TAFA5: variants seen among roughly 807,000 people sequenced by gnomAD.
The protein encoded by TAFA5 is chemokine-like protein TAFA-5.
In TAFA5, 6 loss-of-function variants were observed where a neutral mutation model predicts 15.3. That is an observed-to-expected ratio of 0.39 (90% CI 0.21 to 0.77). TAFA5 has a LOEUF of 0.77. TAFA5 is among the 30% of genes least tolerant of loss of function. The probability of loss-of-function intolerance (pLI) is 0.41; values close to 1 mark genes in which losing one functional copy is unlikely to be tolerated. For synonymous variants in TAFA5, 103 were observed against 80.7 expected, an observed-to-expected ratio of 1.28 and a Z score of -1.48; for missense variants, 161 against 193.1, an observed-to-expected ratio of 0.83 and a Z score of 0.98.
intron 1 of TAFA5, among the ~76,000 whole-genome samples, chr22:48,519,408 A>G (rs2147106190): frequency 6.6e-6 from 1 of 152,334 alleles, no homozygotes; most frequent in Non-Finnish European, 1.5e-5. Flanking sequence ...TCAGAATCGG[A>G]GCGTCCATGA....
chr22:48,542,745 GTAC>G (rs1922502329), intron 1 of TAFA5, among the ~76,000 whole-genome samples: 1 of 147,424 alleles, frequency 6.8e-6, no homozygotes, highest in South Asian at 2.2e-4. Flanking sequence ...AGTGATATGT[GTAC>G]TGGTGTACTG....
At chr22:48,492,522 C>G (rs1382268823) in intron 1 of TAFA5, among the ~76,000 whole-genome samples, 3 of 152,118 alleles carry the variant, frequency 2.0e-5, no homozygotes, top group Non-Finnish European at 2.9e-5. Flanking sequence ...CTTTCTTTCT[C>G]GTGTGCTGGG....
intron 3 of TAFA5, among the ~76,000 whole-genome samples, chr22:48,747,440 G>A (rs62225050): frequency 6.6e-5 from 10 of 152,154 alleles, no homozygotes; most frequent in Admixed American, 2.6e-4. Context: ...GCTGGGATTC[G>A]GTATGTATTT....
intron 1 of TAFA5, among the ~76,000 whole-genome samples, chr22:48,519,932 C>A (rs934937590): frequency 1.3e-5 from 2 of 152,216 alleles, no homozygotes; most frequent in Non-Finnish European, 2.9e-5. Flanking sequence ...CAGAATGTGA[C>A]TTTACTTGGA....
intron 2 of TAFA5, among the ~76,000 whole-genome samples, chr22:48,649,139 G>A (rs181003282): frequency 1.3e-5 from 2 of 152,334 alleles, no homozygotes; most frequent in Non-Finnish European, 2.9e-5. Flanking sequence ...TTGGCTGAAG[G>A]GAGCATGCCT....
intron 1 of TAFA5, among the ~76,000 whole-genome samples, chr22:48,581,381 C>T (rs931298046): frequency 2.0e-5 from 3 of 152,210 alleles, no homozygotes; most frequent in South Asian, 2.1e-4. Context: ...GATTGGATTG[C>T]GGCTGATCTT....
intron 1 of TAFA5, among the ~76,000 whole-genome samples, chr22:48,607,014 G>A (rs938979175): frequency 5.3e-5 from 8 of 152,250 alleles, no homozygotes; most frequent in African/African-American, 1.9e-4. Flanking sequence ...CATGTACTCA[G>A]GATTCTTGGG....
chr22:48,606,772 G>A (rs1196463103), intron 1 of TAFA5, among the ~76,000 whole-genome samples: 1 of 152,210 alleles, frequency 6.6e-6, no homozygotes, highest in Admixed American at 6.5e-5. Flanking sequence ...AGGCCTGGGT[G>A]CAGAGGGGAG....
At position 48,560,567 on chromosome 22, in the gene TAFA5, TTTATTATTA is replaced by T. The variant is rs369448502; in HGVS notation, c.112+70880_112+70888del. 1.4e-5 allele frequency among the ~76,000 whole-genome samples: 2 copies of T among 144,230 alleles called. No homozygotes were observed. Among genetic ancestry groups the T allele is most frequent in the African/African-American group, 2.5e-5 (1 of 39,966 alleles). 94.6% of individuals were successfully genotyped at this position (144,230 alleles called of 152,430 possible). A position where few individuals can be genotyped will look rare whatever the true frequency, so the allele number is the denominator to read the frequency against. On this transcript the variant is annotated intron_variant, in intron 1 of 3. Coordinates refer to ENST00000402357, the MANE Select transcript of TAFA5 (RefSeq NM_001082967.3). This position sits in a 1 kb window ranked among gnomAD's most constrained non-coding sequence, Gnocchi z 4.2. ...CACTGGGCCATGAAAAACGTTGTAT[TTTATTATTA>T]TTATTATTATTATTATATTATTATT...
At chr22:48,654,659 G>A (rs1927176233) in intron 2 of TAFA5, among the ~76,000 whole-genome samples, 1 of 152,248 alleles carries the variant, frequency 6.6e-6, no homozygotes, top group Non-Finnish European at 1.5e-5. Context: ...ACAAACTTGG[G>A]TGGGGTTTTA....
At chr22:48,637,991 C>CT (rs1327331201) in intron 1 of TAFA5, among the ~76,000 whole-genome samples, 1 of 152,122 alleles carries the variant, frequency 6.6e-6, no homozygotes, top group Non-Finnish European at 1.5e-5. Flanking sequence ...TCCTTCTAAA[C>CT]TGACAAGACA....
intron 1 of TAFA5, among the ~76,000 whole-genome samples, chr22:48,645,197 C>A (rs1926819997): frequency 6.6e-6 from 1 of 152,196 alleles, no homozygotes; most frequent in African/African-American, 2.4e-5. Context: ...CCGTTCAGGG[C>A]AGATTTGGGC....
At chr22:48,599,799 A>G (rs1323614249) in intron 1 of TAFA5, among the ~76,000 whole-genome samples, 3 of 152,164 alleles carry the variant, frequency 2.0e-5, no homozygotes, top group Non-Finnish European at 1.5e-5. Context: ...ATGTAGGGGC[A>G]CCCTGTGCTA....
chr22:48,671,340 C>T (rs370658185), intron 2 of TAFA5, among the ~76,000 whole-genome samples: 1 of 152,222 alleles, frequency 6.6e-6, no homozygotes, highest in African/African-American at 2.4e-5. Context: ...GCCCTTTCAC[C>T]TGTCTTTCTC....
intron 3 of TAFA5, among the ~76,000 whole-genome samples, chr22:48,739,284 A>G (rs1336867433): frequency 6.6e-6 from 1 of 152,224 alleles, no homozygotes; most frequent in East Asian, 1.9e-4. Context: ...CCAGAGAAGT[A>G]TGCTAGACTA....
rs116561826 is a variant in TAFA5 at position 48,507,038 on chromosome 22, C to A, written c.112+17334C>A. 7.9e-3 allele frequency among the ~76,000 whole-genome samples: 1,207 copies of A among 152,260 alleles called. 17 individuals are homozygous for A. Among genetic ancestry groups the A allele is most frequent in the African/African-American group, 0.027 (1,126 of 41,532 alleles). On this transcript the variant is annotated intron_variant, in intron 1 of 3. Transcript: ENST00000402357. Reference sequence around the variant, plus strand: ...GAGCCTTGCCGAGCAAGGGGACAGCCGCCAAGAGCCAGGTGTGCAGTTGGA... The same window carrying A: ...GAGCCTTGCCGAGCAAGGGGACAGCAGCCAAGAGCCAGGTGTGCAGTTGGA...
intron 2 of TAFA5, among the ~76,000 whole-genome samples, chr22:48,686,829 T>C (rs561625258): frequency 7.0e-6 from 1 of 143,742 alleles, no homozygotes; most frequent in South Asian, 2.3e-4. Context: ...AAGGATGGAC[T>C]GATTGATGGA....
intron 3 of TAFA5, among the ~76,000 whole-genome samples, chr22:48,745,179 G>A (rs1055607479): frequency 1.3e-5 from 2 of 152,250 alleles, no homozygotes; most frequent in Admixed American, 6.5e-5. Context: ...ATTGCACAGG[G>A]CACAGCTTTG....
chr22:48,513,974 T>C (rs1921315377), intron 1 of TAFA5, among the ~76,000 whole-genome samples: 1 of 152,058 alleles, frequency 6.6e-6, no homozygotes, highest in Non-Finnish European at 1.5e-5. Context: ...CCCTTCCTCC[T>C]GCCCTTCCCT....
Sources: allele counts gnomAD v4.1 joint callset (sites outside exome capture counted in the v4.1 genomes callset), GRCh38; gene constraint gnomAD v4.1.1; non-coding constraint Gnocchi (gnomAD v3.1); transcripts MANE v1.5; gene names NCBI Gene and HGNC (gene_info 2026-07-23, HGNC 2026-07-21).